Variants in DRD2 observed in about 807,000 individuals in gnomAD.
DRD2 encodes D(2) dopamine receptor.
In DRD2, 8 loss-of-function variants were observed where a neutral mutation model predicts 38.0. The ratio of observed to expected loss-of-function variants is 0.21; its 90% CI spans 0.12 to 0.38. DRD2 has a LOEUF of 0.38. Ranked by LOEUF, DRD2 falls within the 10% of genes least tolerant of loss-of-function variation. The pLI is 1.00. For synonymous variants in DRD2, 230 were observed against 238.6 expected (o/e 0.96, Z 0.33); for missense variants, 403 against 607.7 (o/e 0.66, Z 3.54).
chr11:113,414,586 G>T, intron 5 of DRD2, 125 bp from the exon 6 acceptor site: 1 of 937,434 alleles, frequency 1.1e-6, no homozygotes, highest in Non-Finnish European at 1.7e-6. Flanking sequence ...GGAGGGTGGG[G>T]GCCAGAGGAG....
At chr11:113,419,814 C>G (rs1225517715) in intron 2 of DRD2, among the ~76,000 whole-genome samples, 2 of 152,204 alleles carry the variant, frequency 1.3e-5, no homozygotes, top group South Asian at 4.1e-4. Flanking sequence ...GGCATTTAAG[C>G]TCAATGATGG....
chr11:113,468,143 C>T (rs1951387877), intron 1 of DRD2, among the ~76,000 whole-genome samples: 2 of 152,122 alleles, frequency 1.3e-5, no homozygotes, highest in African/African-American at 4.8e-5. Context: ...ATTACTGTGA[C>T]CCAATTATGT....
At chr11:113,452,476 G>GCA (rs1439422211) in intron 1 of DRD2, among the ~76,000 whole-genome samples, 239 of 63,048 alleles carry the variant, frequency 3.8e-3, no homozygotes, top group Admixed American at 8.3e-3. Context: ...GTGTGCGCGC[G>GCA]CGCGCGCGCG....
At chr11:113,449,079 G>A (rs1466577541) in intron 1 of DRD2, among the ~76,000 whole-genome samples, 2 of 152,132 alleles carry the variant, frequency 1.3e-5, no homozygotes, top group African/African-American at 4.8e-5. Flanking sequence ...ATTACCTGCT[G>A]GCCCCTCCTG....
intron 1 of DRD2, among the ~76,000 whole-genome samples, chr11:113,425,534 A>G (rs760895998): frequency 6.6e-6 from 1 of 152,222 alleles, no homozygotes; most frequent in Non-Finnish European, 1.5e-5. Context: ...TCCTAAGGGC[A>G]GCAGGAACCA....
intron 2 of DRD2, 78 bp downstream of exon 2, chr11:113,424,289 G>T: frequency 6.7e-7 from 1 of 1,491,878 alleles, no homozygotes; most frequent in Non-Finnish European, 9.2e-7. Context: ...GTAAAAGCCA[G>T]TGGGGAGCTA....
At chr11:113,439,210 G>C (rs185401176) in intron 1 of DRD2, among the ~76,000 whole-genome samples, 3 of 152,314 alleles carry the variant, frequency 2.0e-5, no homozygotes, top group Admixed American at 1.3e-4. Flanking sequence ...TTAATGGGCA[G>C]AGTTTGTCTT....
intron 1 of DRD2, among the ~76,000 whole-genome samples, chr11:113,454,249 G>T (rs760706783): frequency 2.0e-5 from 3 of 152,162 alleles, no homozygotes; most frequent in Non-Finnish European, 2.9e-5. Flanking sequence ...AGTTACAGGT[G>T]AAGGAATTAG....
chr11:113,462,387 T>A (rs138018740), intron 1 of DRD2, among the ~76,000 whole-genome samples: 100 of 152,308 alleles, frequency 6.6e-4, no homozygotes, highest in Non-Finnish European at 1.2e-3. Flanking sequence ...AAGGATAAGA[T>A]AGGTTCATTC....
intron 1 of DRD2, among the ~76,000 whole-genome samples, chr11:113,444,602 T>A (rs1951125773): frequency 6.6e-6 from 1 of 152,208 alleles, no homozygotes; most frequent in African/African-American, 2.4e-5. Context: ...GGCTTACACA[T>A]CCACAACCTG....
intron 1 of DRD2, among the ~76,000 whole-genome samples, chr11:113,426,700 C>A (rs1950944234): frequency 6.6e-6 from 1 of 152,202 alleles, no homozygotes; most frequent in Admixed American, 6.5e-5. Context: ...TCCTACCAAC[C>A]ACCATCACTC....
chr11:113,442,457 C>A (rs181290377), intron 1 of DRD2, among the ~76,000 whole-genome samples: 12 of 152,162 alleles, frequency 7.9e-5, no homozygotes, highest in Non-Finnish European at 2.9e-5. Flanking sequence ...CAAGGGGTAG[C>A]GGCAGGAGGA....
At chr11:113,467,749 CTT>C (rs1204406356) in intron 1 of DRD2, among the ~76,000 whole-genome samples, 2 of 152,196 alleles carry the variant, frequency 1.3e-5, no homozygotes, top group African/African-American at 4.8e-5. Flanking sequence ...ACCAGGATAA[CTT>C]ATGCCTCTTC....
intron 5 of DRD2, 30 bp downstream of exon 5, chr11:113,415,391 C>G (rs746038059): frequency 1.3e-6 from 2 of 1,596,360 alleles, no homozygotes; most frequent in South Asian, 2.3e-5. Flanking sequence ...GGTGGGGACC[C>G]TTGGAGTTGG....
chr11:113,448,394 G>C (rs1951174453), intron 1 of DRD2, among the ~76,000 whole-genome samples: 2 of 152,144 alleles, frequency 1.3e-5, no homozygotes, highest in Admixed American at 1.3e-4. Context: ...CAAGCTCCGG[G>C]GGAACTCCCT....
At chr11:113,474,604 G>A (rs1020604854) in intron 1 of DRD2, among the ~76,000 whole-genome samples, 1 of 152,132 alleles carries the variant, frequency 6.6e-6, no homozygotes, top group Non-Finnish European at 1.5e-5. Context: ...GGGTCAGGTC[G>A]CACCAACACA....
chr11:113,412,899 A>G lies in DRD2; in HGVS notation c.811-16T>C, dbSNP rs1478865067. The G allele has an allele frequency of 6.2e-7, 1 of 1,607,322 alleles. No individual in the cohort carries two copies. The highest frequency in any genetic ancestry group is 1.3e-5 in the African/African-American group (1 of 74,792). Reference sequence around the variant, plus strand: ...GGGCAGCCTCCTGCACCAGAGGCAGAGGGCTCTGGGTAAAGCCGGACAAGT... The same window carrying G: ...GGGCAGCCTCCTGCACCAGAGGCAGGGGGCTCTGGGTAAAGCCGGACAAGT... On this transcript the variant is annotated splice_polypyrimidine_tract_variant and intron_variant, in intron 6 of 7. Transcript: ENST00000362072.
intron 4 of DRD2, among the ~76,000 whole-genome samples, chr11:113,416,078 T>C (rs1034449317): frequency 1.3e-5 from 2 of 152,252 alleles, no homozygotes; most frequent in Non-Finnish European, 2.9e-5. Context: ...GTGTTTCATA[T>C]GTTTGCGTGC....
Position 113,424,466 on chromosome 11 carries a change from C to G in DRD2, c.186G>C (p.Glu62Asp), listed in dbSNP as rs1950918416. The part of the protein sequence containing the change: ...NVLVCMAVSR[E>D]KALQTTTNYL... Reference sequence around the variant, plus strand: ...AGTTGGTGGTGGTCTGCAGCGCCTTCTCGCGGGACACAGCCATGCACACCA... The same window carrying G: ...AGTTGGTGGTGGTCTGCAGCGCCTTGTCGCGGGACACAGCCATGCACACCA... The change falls in exon 2 of 8, where the codon GAG becomes GAC. Residue 62 changes from glutamate to aspartate, a missense_variant. Coordinates refer to ENST00000362072, the MANE Select transcript of DRD2 (RefSeq NM_000795.4). 6.2e-7 allele frequency: 1 copy of G among 1,614,240 alleles called. No homozygotes were observed. The highest frequency in any genetic ancestry group is 1.3e-5 in the African/African-American group (1 of 75,062).
Sources: gnomAD v4.1 joint callset for allele counts (sites outside exome capture counted in the v4.1 genomes callset) on GRCh38, gnomAD v4.1.1 for gene constraint, MANE v1.5 for transcripts, NCBI Gene and HGNC (gene_info 2026-07-23, HGNC 2026-07-21) for gene names.